Variants in CSMD1 observed in about 807,000 individuals in gnomAD.
The protein encoded by CSMD1 is CUB and sushi domain-containing protein 1.
In CSMD1, 213 loss-of-function variants were observed where a neutral mutation model predicts 417.5. That is an observed-to-expected ratio of 0.51 (90% CI 0.46 to 0.57). The LOEUF is 0.57. Ranked by LOEUF, CSMD1 falls within the 20% of genes least tolerant of loss-of-function variation. CSMD1 has a pLI of 0.00. For missense variants in CSMD1, 6,923 were observed against 4,529.7 expected (o/e 1.53, Z -15.17); for synonymous variants, 2,862 against 1,736.8 (o/e 1.65, Z -16.11).
At chr8:3,376,477 A>C (rs965882879) in intron 18 of CSMD1, among the ~76,000 whole-genome samples, 11 of 152,172 alleles carry the variant, frequency 7.2e-5, no homozygotes, top group Admixed American at 5.9e-4. Context: ...TAAAATTTAC[A>C]ATGTTAAATA....
intron 1 of CSMD1, among the ~76,000 whole-genome samples, chr8:4,956,055 T>C (rs532104842): frequency 6.6e-6 from 1 of 152,276 alleles, no homozygotes; most frequent in South Asian, 2.1e-4. Flanking sequence ...CTTGCTCCTA[T>C]CCTGGGGTGA....
intron 3 of CSMD1, among the ~76,000 whole-genome samples, chr8:4,320,861 CTA>C (rs1416245440): frequency 6.6e-6 from 1 of 152,140 alleles, no homozygotes; most frequent in Non-Finnish European, 1.5e-5. Context: ...AATCATTCTA[CTA>C]TAAAGACACA....
intron 38 of CSMD1, among the ~76,000 whole-genome samples, chr8:3,161,189 G>A (rs1019385072): frequency 6.6e-6 from 1 of 152,026 alleles, no homozygotes; most frequent in African/African-American, 2.4e-5. Context: ...TAATAATTAT[G>A]CTAAGTGATA....
chr8:4,098,582 A>G (rs1272970864), intron 3 of CSMD1, among the ~76,000 whole-genome samples: 1 of 151,998 alleles, frequency 6.6e-6, no homozygotes, highest in African/African-American at 2.4e-5. Context: ...AAAGATTGGG[A>G]ACTCAACACC....
At chr8:3,936,357 T>C (rs1810493939) in intron 5 of CSMD1, among the ~76,000 whole-genome samples, 1 of 152,254 alleles carries the variant, frequency 6.6e-6, no homozygotes, top group African/African-American at 2.4e-5. Context: ...TAGAAGACGA[T>C]ACCATCTAGG....
At chr8:4,125,000 C>A (rs1293048447) in intron 3 of CSMD1, among the ~76,000 whole-genome samples, 3 of 151,840 alleles carry the variant, frequency 2.0e-5, no homozygotes, top group African/African-American at 2.4e-5. Context: ...CTTTCACTTT[C>A]ATAAATCTTG....
At chr8:4,546,470 C>A (rs1797639852) in intron 2 of CSMD1, among the ~76,000 whole-genome samples, 1 of 152,186 alleles carries the variant, frequency 6.6e-6, no homozygotes, top group African/African-American at 2.4e-5. Context: ...CACCGACCAA[C>A]CCATGGCAGG....
intron 5 of CSMD1, among the ~76,000 whole-genome samples, chr8:3,808,288 G>C (rs1282608827): frequency 6.6e-6 from 1 of 151,956 alleles, no homozygotes; most frequent in Non-Finnish European, 1.5e-5. Context: ...TTTTTTCATT[G>C]TTGTTCTTTT....
Position 4,064,569 on chromosome 8 carries a change from C to T in CSMD1, c.416-32470G>A, listed in dbSNP as rs184766536. Among the ~76,000 whole-genome samples, 34 of 152,292 alleles carry T rather than the reference C, an allele frequency of 2.2e-4. 1 individual carries two copies. In the East Asian group the frequency reaches 5.4e-3, roughly 24 times the overall value. ...CATCGATGTCAACACACAGCTCCTACTTCCACCCTGTCATACAACTGCCGT... is the reference window on the plus strand; with the variant it reads ...CATCGATGTCAACACACAGCTCCTATTTCCACCCTGTCATACAACTGCCGT... On this transcript the variant is annotated intron_variant, in intron 3 of 69. Coordinates refer to ENST00000635120, the MANE Select transcript of CSMD1 (RefSeq NM_033225.6).
At chr8:4,735,201 C>T (rs954715925) in intron 1 of CSMD1, among the ~76,000 whole-genome samples, 2 of 152,146 alleles carry the variant, frequency 1.3e-5, no homozygotes, top group Non-Finnish European at 2.9e-5. Flanking sequence ...TCTTTCAGAA[C>T]CTTTATTGCT....
intron 3 of CSMD1, among the ~76,000 whole-genome samples, chr8:4,243,007 C>T (rs79907145): frequency 0.01 from 1,574 of 152,182 alleles, 20 homozygotes; most frequent in African/African-American, 0.035. Flanking sequence ...TGTTAAAATG[C>T]AAAGGAAACA....
intron 2 of CSMD1, among the ~76,000 whole-genome samples, chr8:4,452,186 G>C (rs1799186235): frequency 6.6e-6 from 1 of 152,010 alleles, no homozygotes. Flanking sequence ...TCTTCGCTTA[G>C]TGCACGTTTC....
At chr8:4,445,007 G>C (rs577171947) in intron 2 of CSMD1, among the ~76,000 whole-genome samples, 2 of 152,260 alleles carry the variant, frequency 1.3e-5, no homozygotes, top group East Asian at 3.9e-4. Context: ...TTGATTTTCA[G>C]GTGTTAAAAT....
At chr8:3,336,714 C>G (rs1247760682) in intron 23 of CSMD1, among the ~76,000 whole-genome samples, 7 of 152,304 alleles carry the variant, frequency 4.6e-5, no homozygotes, top group African/African-American at 1.7e-4. Context: ...GGCGAGAGCC[C>G]TGCACACCTA....
At chr8:4,990,178 T>G (rs1200312419) in intron 1 of CSMD1, among the ~76,000 whole-genome samples, 1 of 152,204 alleles carries the variant, frequency 6.6e-6, no homozygotes, top group African/African-American at 2.4e-5. Flanking sequence ...TTACAAAACC[T>G]GTCACTTCCG....
chr8:2,959,087 T>C (rs1228140385), intron 62 of CSMD1, among the ~76,000 whole-genome samples: 1 of 152,214 alleles, frequency 6.6e-6, no homozygotes, highest in Admixed American at 6.5e-5. Flanking sequence ...TTACTCTTGA[T>C]TGATTGATTG....
intron 12 of CSMD1, among the ~76,000 whole-genome samples, chr8:3,456,692 G>C (rs1408876627): frequency 2.0e-5 from 3 of 152,088 alleles, no homozygotes; most frequent in Non-Finnish European, 4.4e-5. Flanking sequence ...ATCATTCCAG[G>C]AATGAGCTTC....
At chr8:3,483,157 T>G (rs1472953444) in intron 11 of CSMD1, among the ~76,000 whole-genome samples, 1 of 151,664 alleles carries the variant, frequency 6.6e-6, no homozygotes, top group Admixed American at 6.6e-5. Context: ...AGATAAACAG[T>G]AGAAAAAATA....
At chr8:3,465,256 T>G (rs1816732535) in intron 12 of CSMD1, among the ~76,000 whole-genome samples, 1 of 152,158 alleles carries the variant, frequency 6.6e-6, no homozygotes, top group African/African-American at 2.4e-5. Context: ...TTCTCCACCC[T>G]ACTTGCTTTC....
Sources: allele counts gnomAD v4.1 joint callset (sites outside exome capture counted in the v4.1 genomes callset), GRCh38; gene constraint gnomAD v4.1.1; transcripts MANE v1.5; gene names NCBI Gene and HGNC (gene_info 2026-07-23, HGNC 2026-07-21).